Variants in FAM120C observed in about 807,000 individuals in gnomAD.
The protein encoded by FAM120C is constitutive coactivator of PPAR-gamma-like protein 2.
Under a neutral mutation model 71.2 loss-of-function variants are expected in FAM120C, and 14 were observed. The observed-to-expected ratio is 0.20, with a 90% CI of 0.13 to 0.31. The LOEUF (loss-of-function observed/expected upper bound fraction) is 0.31, where lower values mean the gene tolerates loss of function less well. Among genes scored for constraint, FAM120C ranks in the 10% least tolerant of loss-of-function variants. The pLI, the probability that FAM120C is intolerant of heterozygous loss-of-function variation, is 1.00. For synonymous variants in FAM120C, 354 were observed against 353.2 expected (o/e 1.00, Z -0.03); for missense variants, 500 against 879.0 (o/e 0.57, Z 5.45).
chrX:54,103,438 A>T (rs1557124398), intron 10 of FAM120C, among the ~76,000 whole-genome samples: 3 of 112,051 alleles, frequency 2.7e-5, no homozygotes, highest in African/African-American at 9.7e-5. Flanking sequence ...ATCATTGCTT[A>T]GCTTTTATTC....
At chrX:54,124,685 C>T (rs1285037975) in intron 9 of FAM120C, among the ~76,000 whole-genome samples, 7 of 108,705 alleles carry the variant, frequency 6.4e-5, no homozygotes, top group East Asian at 5.9e-4. Context: ...TCTTCTGCGT[C>T]GCTCACGCTG....
intron 10 of FAM120C, among the ~76,000 whole-genome samples, chrX:54,110,011 C>T (rs868968405): frequency 9.8e-5 from 6 of 61,429 alleles, no homozygotes; most frequent in Admixed American, 2.9e-4. Context: ...AGAAAAATAT[C>T]TTTTTTTTTT....
chrX:54,178,767 T>C (rs1218391685), intron 1 of FAM120C, among the ~76,000 whole-genome samples: 1 of 112,016 alleles, frequency 8.9e-6, no homozygotes, highest in African/African-American at 3.2e-5. Flanking sequence ...CATTGCTTTA[T>C]CGTATTCTAG....
At chrX:54,094,083 C>CTCT (rs2066837237) in intron 10 of FAM120C, among the ~76,000 whole-genome samples, 1 of 61,443 alleles carries the variant, frequency 1.6e-5, no homozygotes. Context: ...TCCACGACTC[C>CTCT]TTTTTTTTTT....
intron 13 of FAM120C, 68 bp from the exon 14 acceptor site, chrX:54,081,528 T>C: frequency 9.0e-7 from 1 of 1,116,932 alleles, no homozygotes; most frequent in Non-Finnish European, 1.2e-6. Context: ...TCCCAAAACT[T>C]TGGGAGGCTG....
At position 54,180,648 on chromosome X, in the gene FAM120C, T is replaced by C. The variant is rs1008038633; in HGVS notation, c.699+1852A>G. Among the ~76,000 whole-genome samples the C allele has an allele frequency of 2.7e-5, 3 of 111,924 alleles. No homozygotes were observed. In the East Asian group the frequency reaches 8.4e-4, roughly 31 times the overall value. On this transcript the variant is annotated intron_variant, in intron 1 of 15. Transcript: ENST00000375180. Reference sequence around the variant, plus strand: ...TTCATTTTAGAGCAGCACTGTTGTTTAGAGTATGAGCTTTGGAGGAAGACC... The same window carrying C: ...TTCATTTTAGAGCAGCACTGTTGTTCAGAGTATGAGCTTTGGAGGAAGACC...
Position 54,182,975 on chromosome X carries a change from T to C in FAM120C, c.224A>G (p.Tyr75Cys), listed in dbSNP as rs1557137781. The change falls in exon 1 of 16, where the codon TAC becomes TGC. Residue 75 changes from tyrosine to cysteine, a missense_variant. Tyr to Cys is a radical substitution (Grantham distance 194, BLOSUM62 -2). This residue lies in a region of FAM120C where 79 missense variants were observed against 78.3 expected (regional missense o/e 1.01). Transcript: ENST00000375180. Reference protein sequence around the residue: ...PPLPPAALGAYSGGAGPTRHH... With the variant: ...PPLPPAALGACSGGAGPTRHH... ...CCGAGTCGGCCCCGCGCCCCCGGAG[T>C]AGGCACCCAAGGCAGCGGGCGGAAG... 2 of 1,160,089 alleles carry C rather than the reference T, an allele frequency of 1.7e-6. No homozygotes were observed. The highest frequency in any genetic ancestry group is 1.1e-6 in the Non-Finnish European group (1 of 871,449).
chrX:54,152,980 G>A (rs976762570), intron 3 of FAM120C, among the ~76,000 whole-genome samples: 2 of 111,947 alleles, frequency 1.8e-5, no homozygotes, highest in Non-Finnish European at 1.9e-5. Context: ...CGGATCACCT[G>A]AGGTCAGGAG....
intron 4 of FAM120C, among the ~76,000 whole-genome samples, chrX:54,143,260 G>A (rs1174345939): frequency 4.5e-5 from 5 of 110,199 alleles, no homozygotes; most frequent in Non-Finnish European, 9.5e-5. Flanking sequence ...AAGAACTAGA[G>A]AAGCAAGAGC....
At chrX:54,103,717 T>C (rs1048285844) in intron 10 of FAM120C, among the ~76,000 whole-genome samples, 1 of 107,625 alleles carries the variant, frequency 9.3e-6, no homozygotes, top group Non-Finnish European at 1.9e-5. Context: ...GGTATGAGTT[T>C]ATAATACACT....
intron 13 of FAM120C, among the ~76,000 whole-genome samples, chrX:54,081,877 TTCTC>T (rs1388595364): frequency 1.8e-5 from 2 of 109,872 alleles, no homozygotes; most frequent in Non-Finnish European, 3.8e-5. Context: ...TTTTTTCCAT[TTCTC>T]TCTGATAAAA....
At chrX:54,178,442 T>C in intron 1 of FAM120C, among the ~76,000 whole-genome samples, 1 of 111,610 alleles carries the variant, frequency 9.0e-6, no homozygotes, top group Non-Finnish European at 1.9e-5. Context: ...GATGGTGGGA[T>C]TGTGTAAACT....
intron 1 of FAM120C, among the ~76,000 whole-genome samples, chrX:54,178,255 C>T (rs2067329032): frequency 8.9e-6 from 1 of 112,157 alleles, no homozygotes; most frequent in African/African-American, 3.2e-5. Context: ...CACTGTATGA[C>T]TCACTTACTT....
At chrX:54,181,362 C>G in intron 1 of FAM120C, among the ~76,000 whole-genome samples, 1 of 111,107 alleles carries the variant, frequency 9.0e-6, no homozygotes, top group African/African-American at 3.3e-5. Flanking sequence ...TACTACTTTT[C>G]TTTTTCTTCT....
At chrX:54,100,262 C>T (rs782661641) in intron 10 of FAM120C, among the ~76,000 whole-genome samples, 6 of 111,041 alleles carry the variant, frequency 5.4e-5, no homozygotes, top group South Asian at 7.6e-4. Flanking sequence ...GAGGCCGAGG[C>T]GGGCAGATCA....
intron 3 of FAM120C, among the ~76,000 whole-genome samples, chrX:54,153,936 A>G (rs2067196334): frequency 9.2e-6 from 1 of 108,381 alleles, no homozygotes; most frequent in Non-Finnish European, 1.9e-5. Flanking sequence ...CCTGACCTCA[A>G]GTGATCCACC....
At chrX:54,156,065 T>C (rs1164027823) in intron 3 of FAM120C, among the ~76,000 whole-genome samples, 1 of 110,970 alleles carries the variant, frequency 9.0e-6, no homozygotes, top group East Asian at 2.8e-4. Flanking sequence ...GATAACACCT[T>C]CATATAGGTG....
At chrX:54,116,277 G>T (rs1416390357) in intron 10 of FAM120C, among the ~76,000 whole-genome samples, 1 of 111,310 alleles carries the variant, frequency 9.0e-6, no homozygotes, top group African/African-American at 3.3e-5. Context: ...GTGAATAAAA[G>T]AAGGAAATTG....
Position 54,116,647 on chromosome X carries a change from C to T in FAM120C, c.2210G>A (p.Arg737Lys). 8.3e-7 allele frequency: 1 copy of T among 1,211,820 alleles called. No individual in the cohort carries two copies. The highest frequency in any genetic ancestry group is 1.1e-6 in the Non-Finnish European group (1 of 895,575). Residue 737 changes from arginine (R) to lysine (K), a missense_variant, in exon 10 of 16, where the codon AGA (arginine) becomes AAA (lysine). This residue lies in a region of FAM120C where 104 missense variants were observed against 254.5 expected (regional missense o/e 0.41). Coordinates refer to ENST00000375180, the MANE Select transcript of FAM120C (RefSeq NM_017848.6). Reference sequence around the variant, plus strand: ...ACAGGCCAGGAAGGCCCGCATCCTTCTGTTCTTGTCTTCAACTGCTTTGCC... The same window carrying T: ...ACAGGCCAGGAAGGCCCGCATCCTTTTGTTCTTGTCTTCAACTGCTTTGCC... ...WLGKAVEDKN[R>K]RMRAFLACMK...
Sources: gnomAD v4.1 joint callset for allele counts (sites outside exome capture counted in the v4.1 genomes callset) on GRCh38, gnomAD v4.1.1 for gene constraint, gnomAD v4.1.1 regional missense constraint, MANE v1.5 for transcripts, NCBI Gene and HGNC (gene_info 2026-07-23, HGNC 2026-07-21) for gene names.